FAM171B: variants seen among roughly 807,000 people sequenced by gnomAD.
FAM171B encodes family with sequence similarity 171 member B.
A neutral mutation model predicts 75.6 loss-of-function variants in FAM171B; 19 were observed. That is an observed-to-expected ratio of 0.25 (90% CI 0.18 to 0.37). FAM171B has a LOEUF of 0.37. FAM171B is among the 10% of genes least tolerant of loss of function. The pLI is 1.00. For missense variants in FAM171B, 848 were observed against 982.4 expected (o/e 0.86, Z 1.83); for synonymous variants, 367 against 361.7 (o/e 1.01, Z -0.17).
chr2:186,745,640 T>G (rs1332592896), intron 3 of FAM171B, among the ~76,000 whole-genome samples: 1 of 152,226 alleles, frequency 6.6e-6, no homozygotes, highest in East Asian at 1.9e-4. Flanking sequence ...TTCCATAACA[T>G]GTTTCATTAG....
rs531441414 is a variant in FAM171B, at chr2:186,763,992, T to C, written c.*1169T>C. ...AGCCTTTGCAACTTCTTTTTTCAGT[T>C]TTGTAAGTAATATATCTATGTTCTT... is the stretch of plus-strand genomic sequence containing the variant. On this transcript the variant is annotated 3_prime_UTR_variant, in exon 8 of 8. Coordinates refer to ENST00000304698, the MANE Select transcript of FAM171B (RefSeq NM_177454.4). 3 of 152,196 alleles carry C rather than the reference T, an allele frequency of 2.0e-5. No homozygotes were observed. In the East Asian group the frequency reaches 5.8e-4, roughly 29 times the overall value. 9.4% of individuals were successfully genotyped at this position (152,196 alleles called of 1,614,324 possible). A position where few individuals can be genotyped will look rare whatever the true frequency, so the allele number is the denominator to read the frequency against.
chr2:186,727,303 G>A (rs1321534218), intron 1 of FAM171B, among the ~76,000 whole-genome samples: 1 of 152,142 alleles, frequency 6.6e-6, no homozygotes, highest in Admixed American at 6.5e-5. Flanking sequence ...ATTTGAAAAG[G>A]GGGCATTTGA....
At chr2:186,749,536 T>A (rs1690419858) in intron 4 of FAM171B, among the ~76,000 whole-genome samples, 1 of 152,232 alleles carries the variant, frequency 6.6e-6, no homozygotes, top group Non-Finnish European at 1.5e-5. Context: ...ATTTAATATT[T>A]GTCTTTCAGG....
intron 1 of FAM171B, among the ~76,000 whole-genome samples, chr2:186,726,995 C>G (rs1473345060): frequency 6.6e-6 from 1 of 152,170 alleles, no homozygotes; most frequent in Non-Finnish European, 1.5e-5. Flanking sequence ...TTGGCCACTT[C>G]TGATCTCTTT....
Position 186,742,301 on chromosome 2 carries a change from A to G in FAM171B, c.473-1182A>G, listed in dbSNP as rs145598111. On this transcript the variant is annotated intron_variant, in intron 2 of 7. Coordinates refer to ENST00000304698, the MANE Select transcript of FAM171B (RefSeq NM_177454.4). Reference sequence around the variant, plus strand: ...TTCAGAAAGATTCTCCTCATGTTTAACAGAGGTGTGACTGAGAAAGTATCC... The same window carrying G: ...TTCAGAAAGATTCTCCTCATGTTTAGCAGAGGTGTGACTGAGAAAGTATCC... Among the ~76,000 whole-genome samples, 12 of 152,290 alleles carry G rather than the reference A, an allele frequency of 7.9e-5. No individual in the cohort carries two copies. The East Asian group carries it at 2.1e-3, about 27-fold the overall frequency.
chr2:186,706,758 T>C (rs1689738291), intron 1 of FAM171B, among the ~76,000 whole-genome samples: 1 of 152,322 alleles, frequency 6.6e-6, no homozygotes, highest in Non-Finnish European at 1.5e-5. Flanking sequence ...CATGTTCCTA[T>C]CATGGCTCTA....
rs1252692022 is a variant in FAM171B, at chr2:186,762,081, A to G, written c.1739A>G (p.Glu580Gly). 6.2e-7 allele frequency: 1 copy of G among 1,613,642 alleles called. No individual in the cohort carries two copies. Among genetic ancestry groups the G allele is most frequent in the Admixed American group, 1.7e-5 (1 of 59,914 alleles). Residue 580 changes from glutamate to glycine, a missense_variant, in exon 8 of 8, where the codon GAG becomes GGG. Transcript: ENST00000304698. The surrounding 1 kb of genome is among the most constrained non-coding windows in gnomAD (Gnocchi z 4.0). ...YGQLMEPVNRENFTQTLPKMP... is the reference protein window; with the variant it reads ...YGQLMEPVNRGNFTQTLPKMP... ...CAATTGATGGAACCAGTAAATCGAG[A>G]GAACTTTACGCAGACCTTGCCCAAA... is the stretch of plus-strand genomic sequence containing the variant.
intron 1 of FAM171B, among the ~76,000 whole-genome samples, chr2:186,732,791 C>G (rs1389676977): frequency 6.6e-6 from 1 of 152,182 alleles, no homozygotes; most frequent in African/African-American, 2.4e-5. Context: ...GAGGCATTTT[C>G]CCTTACCAGT....
rs374187150 is a variant in FAM171B, at chr2:186,747,954, G to T, written c.724+704G>T. ...TTTTTTTCTTTTGAGACAGGGTCTT[G>T]CTCTGTTTCCCAAGCTGGAGTGCAG... is the stretch of plus-strand genomic sequence containing the variant. On this transcript the variant is annotated intron_variant, in intron 4 of 7. Transcript: ENST00000304698. Among the ~76,000 whole-genome samples the T allele has an allele frequency of 6.0e-3, 918 of 151,866 alleles. 7 individuals are homozygous for T. The highest frequency in any genetic ancestry group is 9.1e-3 in the Non-Finnish European group (619 of 67,948).
intron 1 of FAM171B, among the ~76,000 whole-genome samples, chr2:186,703,504 C>T (rs955205671): frequency 6.6e-6 from 1 of 152,148 alleles, no homozygotes; most frequent in African/African-American, 2.4e-5. Context: ...CTTTTATTCC[C>T]ACTGACCGAT....
chr2:186,742,302 C>T (rs939340836), intron 2 of FAM171B, among the ~76,000 whole-genome samples: 5 of 152,094 alleles, frequency 3.3e-5, no homozygotes, highest in Non-Finnish European at 7.4e-5. Context: ...TCATGTTTAA[C>T]AGAGGTGTGA....
intron 1 of FAM171B, among the ~76,000 whole-genome samples, chr2:186,735,226 G>A (rs1690182266): frequency 6.6e-6 from 1 of 152,222 alleles, no homozygotes; most frequent in African/African-American, 2.4e-5. Context: ...GCAGGGGACA[G>A]GGTGGCAGTG....
At chr2:186,719,431 A>G (rs537143422) in intron 1 of FAM171B, among the ~76,000 whole-genome samples, 11 of 152,218 alleles carry the variant, frequency 7.2e-5, no homozygotes, top group Admixed American at 2.0e-4. Flanking sequence ...GAGTTTACCA[A>G]TGGAATCCCA....
At chr2:186,746,975 T>A in intron 3 of FAM171B, 117 bp from the exon 4 acceptor site, 2 of 727,504 alleles carry the variant, frequency 2.7e-6, no homozygotes, top group South Asian at 4.6e-5. Flanking sequence ...CATGAGAAGA[T>A]GCTAATGATG....
Position 186,762,653 on chromosome 2 carries a change from A to C in FAM171B, c.2311A>C (p.Ile771Leu), listed in dbSNP as rs768257667. Residue 771 changes from isoleucine to leucine, a missense_variant, in exon 8 of 8, where the codon ATC becomes CTC. Physicochemically the swap from Ile to Leu is conservative, Grantham distance 5. Around this residue, in one of 3 missense-constraint regions of FAM171B, gnomAD observed 136 missense variants for 159.3 expected, o/e 0.85. Coordinates refer to ENST00000304698, the MANE Select transcript of FAM171B (RefSeq NM_177454.4). This position sits in a 1 kb window ranked among gnomAD's most constrained non-coding sequence, Gnocchi z 4.0. Reference sequence around the variant, plus strand: ...CATCCTAGATGGAGGGAGTGGAGTGATCATGGAGCACCCTGGAGAAGAGTC... The same window carrying C: ...CATCCTAGATGGAGGGAGTGGAGTGCTCATGGAGCACCCTGGAGAAGAGTC... ...RHILDGGSGV[I>L]MEHPGEESPG... 2.5e-6 allele frequency: 4 copies of C among 1,613,164 alleles called. No individual in the cohort carries two copies. Among genetic ancestry groups the C allele is most frequent in the Non-Finnish European group, 3.4e-6 (4 of 1,179,630 alleles).
chr2:186,725,312 C>T (rs1425226163), intron 1 of FAM171B, among the ~76,000 whole-genome samples: 1 of 151,120 alleles, frequency 6.6e-6, no homozygotes, highest in Non-Finnish European at 1.5e-5. Context: ...CCACTGCACT[C>T]CAACCTGGGC....
rs1690618586 is a variant in FAM171B, at chr2:186,761,702, G to A, written c.1360G>A (p.Val454Ile). 6.2e-7 allele frequency: 1 copy of A among 1,612,788 alleles called. No homozygotes were observed. The highest frequency in any genetic ancestry group is 8.5e-7 in the Non-Finnish European group (1 of 1,179,530). ...AGAAACAGAAGAAAGAGTTTCCATG[G>A]TAAAAACTCGGGACGATTTTAAAAT... ...KAETEERVSMVKTRDDFKIYN... is the reference protein window; with the variant it reads ...KAETEERVSMIKTRDDFKIYN... Residue 454 changes from valine (V) to isoleucine (I), a missense_variant, in exon 8 of 8, where the codon GTA (valine) becomes ATA (isoleucine). Coordinates refer to ENST00000304698, the MANE Select transcript of FAM171B (RefSeq NM_177454.4).
At chr2:186,760,431 TA>T (rs927615023) in intron 6 of FAM171B, among the ~76,000 whole-genome samples, 12 of 152,284 alleles carry the variant, frequency 7.9e-5, no homozygotes, top group African/African-American at 2.9e-4. Flanking sequence ...AATATCTAGA[TA>T]AAAAATAAAT....
chr2:186,739,429 C>A (rs891224194), intron 1 of FAM171B, among the ~76,000 whole-genome samples: 2 of 152,180 alleles, frequency 1.3e-5, no homozygotes, highest in African/African-American at 4.8e-5. Context: ...CATTGTACAA[C>A]TGTACAAATT....
Sources: allele counts gnomAD v4.1 joint callset (sites outside exome capture counted in the v4.1 genomes callset), GRCh38; gene constraint gnomAD v4.1.1; regional missense constraint gnomAD v4.1.1; non-coding constraint Gnocchi (gnomAD v3.1); transcripts MANE v1.5; gene names NCBI Gene and HGNC (gene_info 2026-07-23, HGNC 2026-07-21).